The following GPR176 variants were observed in gnomAD, a reference collection of about 807,000 sequenced individuals.
GPR176 encodes the protein G-protein coupled receptor 176.
Under a neutral mutation model 35.4 loss-of-function variants are expected in GPR176, and 26 were observed. The ratio of observed to expected loss-of-function variants is 0.74; its 90% confidence interval spans 0.54 to 1.02. GPR176 has a LOEUF of 1.02. Among genes scored for constraint, GPR176 ranks in the 50% least tolerant of loss-of-function variants. The pLI, the probability that GPR176 is intolerant of heterozygous loss-of-function variation, is 0.00. For synonymous variants in GPR176, 278 were observed against 271.3 expected (o/e 1.02, Z -0.24); for missense variants, 597 against 665.3 (o/e 0.90, Z 1.13).
At chr15:39,913,938 C>T (rs373231447) in intron 1 of GPR176, among the ~76,000 whole-genome samples, 4 of 152,114 alleles carry the variant, frequency 2.6e-5, no homozygotes, top group South Asian at 2.1e-4. Context: ...CCCAGCTGCT[C>T]GGGAGGCTGA....
intron 1 of GPR176, among the ~76,000 whole-genome samples, chr15:39,848,146 C>A (rs2030581200): frequency 6.6e-6 from 1 of 152,092 alleles, no homozygotes; most frequent in Non-Finnish European, 1.5e-5. Flanking sequence ...CTGGGGATTA[C>A]AATTCGACAT....
At chr15:39,909,506 T>C (rs1057431390) in intron 1 of GPR176, among the ~76,000 whole-genome samples, 5 of 152,208 alleles carry the variant, frequency 3.3e-5, no homozygotes, top group African/African-American at 4.8e-5. Flanking sequence ...GAAGTAAAAC[T>C]AATGCTTTGT....
At chr15:39,885,598 C>T (rs1395334827) in intron 1 of GPR176, among the ~76,000 whole-genome samples, 8 of 152,254 alleles carry the variant, frequency 5.3e-5, no homozygotes, top group Admixed American at 3.3e-4. Context: ...AGGTATGAAG[C>T]AATCTTTATT....
At chr15:39,877,550 C>CTTTTTTTTT (rs56071903) in intron 1 of GPR176, among the ~76,000 whole-genome samples, 2 of 131,640 alleles carry the variant, frequency 1.5e-5, no homozygotes, top group Non-Finnish European at 1.7e-5. Context: ...TCTTCTTCTT[C>CTTTTTTTTT]TTTTTTTTTT....
Position 39,919,955 on chromosome 15 carries a change from C to A in GPR176, c.72G>T (p.Ala24=). The A allele has an allele frequency of 6.7e-7, 1 of 1,497,124 alleles. No homozygotes were observed. Among genetic ancestry groups the A allele is most frequent in the East Asian group, 2.8e-5 (1 of 35,572 alleles). The allele number at this position is 1,497,124 out of a possible 1,614,324, so 92.7% of individuals were successfully genotyped here. A position where few individuals can be genotyped will look rare whatever the true frequency, so the allele number is the denominator to read the frequency against. ...CCCCGAGCGCGCTGCGGTTCACACC[C>A]GCAGCCTCGGCGCCGGACGCGTTGT... The part of the protein sequence containing the change: ...EPHNASGAEA[A]GVNRSALGEF... Residue 24 remains alanine, a synonymous_variant, in exon 1 of 3, where the codon GCG becomes GCT. Coordinates refer to ENST00000561100, the MANE Select transcript of GPR176 (RefSeq NM_007223.3).
At chr15:39,816,918 G>A (rs988730988) in intron 1 of GPR176, among the ~76,000 whole-genome samples, 2 of 151,602 alleles carry the variant, frequency 1.3e-5, no homozygotes, top group Non-Finnish European at 2.9e-5. Context: ...AAATAAGAAA[G>A]CTTAGCCTGG....
intron 1 of GPR176, among the ~76,000 whole-genome samples, chr15:39,810,758 A>G (rs1899493144): frequency 6.6e-6 from 1 of 152,236 alleles, no homozygotes; most frequent in Non-Finnish European, 1.5e-5. Flanking sequence ...CCTATGACAG[A>G]CTGTGCCAAG....
intron 1 of GPR176, among the ~76,000 whole-genome samples, chr15:39,816,995 G>T (rs1047977650): frequency 1.4e-5 from 2 of 145,654 alleles, no homozygotes; most frequent in African/African-American, 5.1e-5. Context: ...CCTGAGTCTA[G>T]GAGTTGGAGG....
In GPR176 at chr15:39,801,641, C is replaced by T. The variant is rs368654088; in HGVS notation, c.1039G>A (p.Val347Met). The T allele has an allele frequency of 3.1e-6, 5 of 1,614,032 alleles. No individual in the cohort carries two copies. The highest frequency in any genetic ancestry group is 4.2e-6 in the Non-Finnish European group (5 of 1,179,998). ...GCCATGCCACTCCCTGTACTGACCA[C>T]ATTACGGCGACTGTACCGGTGGTGT... ...QLHHRYSRRN[V>M]VSTGSGMAEA... Residue 347 changes from valine to methionine, a missense_variant, in exon 3 of 3, where the codon GTG (valine) becomes ATG (methionine). By Grantham distance (21) the Val-to-Met change is conservative. This residue lies in a region of GPR176 where 251 missense variants were observed against 255.4 expected (regional missense o/e 0.98). Coordinates refer to ENST00000561100, the MANE Select transcript of GPR176 (RefSeq NM_007223.3).
chr15:39,918,801 G>C (rs1214188576), intron 1 of GPR176, among the ~76,000 whole-genome samples: 2 of 152,010 alleles, frequency 1.3e-5, no homozygotes, highest in Admixed American at 1.3e-4. Flanking sequence ...AAGTATGAAG[G>C]GAAATTCCAA....
chr15:39,886,997 T>C (rs1240864872), intron 1 of GPR176, among the ~76,000 whole-genome samples: 1 of 152,212 alleles, frequency 6.6e-6, no homozygotes, highest in Non-Finnish European at 1.5e-5. Flanking sequence ...CACGAGGTTA[T>C]TTCCTCTCTA....
chr15:39,894,979 C>A (rs511727), intron 1 of GPR176, among the ~76,000 whole-genome samples: 6,376 of 151,980 alleles, frequency 0.042, 474 homozygotes, highest in African/African-American at 0.15. Flanking sequence ...CTGCAATCCC[C>A]GCACCTCGGG....
At chr15:39,851,807 C>A (rs912094430) in intron 1 of GPR176, among the ~76,000 whole-genome samples, 8 of 152,142 alleles carry the variant, frequency 5.3e-5, no homozygotes, top group Non-Finnish European at 1.0e-4. Flanking sequence ...GAATTTGTTG[C>A]CATTTCCAGT....
At chr15:39,845,641 G>A (rs762115780) in intron 1 of GPR176, among the ~76,000 whole-genome samples, 1 of 151,996 alleles carries the variant, frequency 6.6e-6, no homozygotes, top group South Asian at 2.1e-4. Context: ...TATAAGCCAA[G>A]GGCGAAAACC....
At chr15:39,883,865 G>A (rs755392393) in intron 1 of GPR176, among the ~76,000 whole-genome samples, 1 of 82,646 alleles carries the variant, frequency 1.2e-5, no homozygotes, top group Non-Finnish European at 3.3e-5. Context: ...CAACAAAAAA[G>A]GACACTGTGT....
At chr15:39,857,594 A>G (rs1459025258) in intron 1 of GPR176, among the ~76,000 whole-genome samples, 1 of 151,950 alleles carries the variant, frequency 6.6e-6, no homozygotes, top group East Asian at 1.9e-4. Flanking sequence ...CACTTGAGCC[A>G]GGGAGGTCCA....
At chr15:39,886,710 A>G (rs961973825) in intron 1 of GPR176, among the ~76,000 whole-genome samples, 1 of 152,240 alleles carries the variant, frequency 6.6e-6, no homozygotes, top group African/African-American at 2.4e-5. Flanking sequence ...ATATAACATT[A>G]GGAGAATTAA....
At chr15:39,865,756 G>A (rs1026061251) in intron 1 of GPR176, among the ~76,000 whole-genome samples, 1 of 151,958 alleles carries the variant, frequency 6.6e-6, no homozygotes, top group Admixed American at 6.6e-5. Context: ...TAAACCCTAT[G>A]GAAAAAATAT....
At chr15:39,875,761 AG>A (rs2140843244) in intron 1 of GPR176, among the ~76,000 whole-genome samples, 1 of 152,302 alleles carries the variant, frequency 6.6e-6, no homozygotes, top group East Asian at 1.9e-4. Flanking sequence ...AAAATCATTA[AG>A]TATGATAAAA....
Sources: allele counts gnomAD v4.1 joint callset (sites outside exome capture counted in the v4.1 genomes callset), GRCh38; gene constraint gnomAD v4.1.1; regional missense constraint gnomAD v4.1.1; transcripts MANE v1.5; gene names NCBI Gene and HGNC (gene_info 2026-07-23, HGNC 2026-07-21).